The following VPS13D variants were observed in gnomAD, a reference collection of about 807,000 sequenced individuals.
VPS13D encodes the protein intermembrane lipid transfer protein VPS13D.
A neutral mutation model predicts 461.9 loss-of-function variants in VPS13D; 187 were observed. That is an observed-to-expected ratio of 0.40 (90% CI 0.36 to 0.46). The LOEUF is 0.46. Ranked by LOEUF, VPS13D falls within the 20% of genes least tolerant of loss-of-function variation. The probability of loss-of-function intolerance (pLI) is 0.60; values close to 1 mark genes in which losing one functional copy is unlikely to be tolerated. For synonymous variants in VPS13D, 1,951 were observed against 1,986.3 expected (o/e 0.98, Z 0.47); for missense variants, 4,711 against 5,364.9 (o/e 0.88, Z 3.81).
At chr1:12,454,256 C>G (rs1008942322) in intron 65 of VPS13D, among the ~76,000 whole-genome samples, 3 of 152,126 alleles carry the variant, frequency 2.0e-5, no homozygotes, top group African/African-American at 7.2e-5. Context: ...GGTCAGATGC[C>G]CCAGCTTGTG....
intron 41 of VPS13D, among the ~76,000 whole-genome samples, chr1:12,342,652 A>G (rs1192491153): frequency 6.6e-6 from 1 of 152,256 alleles, no homozygotes; most frequent in Non-Finnish European, 1.5e-5. Flanking sequence ...ACCAGATTCT[A>G]CTGCCTGAGG....
intron 21 of VPS13D, among the ~76,000 whole-genome samples, chr1:12,287,955 T>C (rs960235912): frequency 2.6e-5 from 4 of 152,208 alleles, no homozygotes; most frequent in South Asian, 4.1e-4. Flanking sequence ...ATTTTTATAA[T>C]GTAAAGCATC....
At chr1:12,248,996 C>T (rs896119580) in intron 5 of VPS13D, among the ~76,000 whole-genome samples, 3 of 151,988 alleles carry the variant, frequency 2.0e-5, no homozygotes, top group Non-Finnish European at 4.4e-5. Flanking sequence ...CATAACATAA[C>T]AAGAGAGTTA....
chr1:12,261,122 G>A lies in VPS13D; in HGVS notation c.1387G>A (p.Glu463Lys). The A allele has an allele frequency of 1.2e-6, 2 of 1,614,220 alleles. No homozygotes were observed. Among genetic ancestry groups the A allele is most frequent in the Non-Finnish European group, 1.7e-6 (2 of 1,180,042 alleles). ...VVEGLSAEQQEQWIPEEILGT... is the reference protein window; with the variant it reads ...VVEGLSAEQQKQWIPEEILGT... ...TGAGGGACTGTCAGCAGAGCAACAG[G>A]AGCAGTGGATTCCTGAAGAGATCCT... The change falls in exon 12 of 70, where the codon GAG becomes AAG. Residue 463 changes from glutamate to lysine, a missense_variant. Around this residue, in one of 3 missense-constraint regions of VPS13D, gnomAD observed 4,411 missense variants for 4,937.8 expected, o/e 0.89. Coordinates refer to ENST00000620676, the MANE Select transcript of VPS13D (RefSeq NM_015378.4).
chr1:12,348,406 G>T (rs1435551915), intron 44 of VPS13D, among the ~76,000 whole-genome samples: 1 of 152,144 alleles, frequency 6.6e-6, no homozygotes, highest in African/African-American at 2.4e-5. Context: ...GCCTTTTTCA[G>T]TTTCGTTGTA....
intron 23 of VPS13D, among the ~76,000 whole-genome samples, chr1:12,292,032 G>A (rs550043468): frequency 6.6e-6 from 1 of 152,232 alleles, no homozygotes; most frequent in South Asian, 2.1e-4. Context: ...GCTGAGGGAG[G>A]CAGATCACCT....
At chr1:12,386,648 G>A (rs1644354410) in intron 60 of VPS13D, among the ~76,000 whole-genome samples, 1 of 152,174 alleles carries the variant, frequency 6.6e-6, no homozygotes, top group Non-Finnish European at 1.5e-5. Context: ...ATTGAGGTCT[G>A]TCATAGGGAG....
intron 21 of VPS13D, among the ~76,000 whole-genome samples, chr1:12,284,208 G>A (rs114087654): frequency 0.029 from 4,414 of 152,286 alleles, 114 homozygotes; most frequent in African/African-American, 0.063. Flanking sequence ...GTTGGACTCC[G>A]TGAGTTTGAG....
chr1:12,384,531 G>A (rs1307428167), intron 58 of VPS13D, among the ~76,000 whole-genome samples: 2 of 152,130 alleles, frequency 1.3e-5, no homozygotes, highest in South Asian at 2.1e-4. Context: ...TTAGGTCATA[G>A]CGTAATCAGA....
intron 68 of VPS13D, 33 bp downstream of exon 68, chr1:12,497,664 G>T: frequency 6.3e-7 from 1 of 1,592,916 alleles, no homozygotes; most frequent in Non-Finnish European, 8.5e-7. Context: ...AGCCCTGTGG[G>T]TCTACTGAGT....
At position 12,510,525 on chromosome 1, in the gene VPS13D, C is replaced by CTGTGTCTG. The variant is rs1198628572; in HGVS notation, c.*1506_*1507insCTGTGTGT. The CTGTGTCTG allele has an allele frequency of 6.8e-5, 10 of 146,118 alleles. No individual in the cohort carries two copies. Among genetic ancestry groups the CTGTGTCTG allele is most frequent in the African/African-American group, 2.6e-4 (10 of 38,998 alleles). 9.1% of individuals were successfully genotyped at this position (146,118 alleles called of 1,614,324 possible). ...TCCCACTTCCCCTCTGTGTCTGTGT[C>CTGTGTCTG]TGTGTGTGTGTGTGTGTGTGTGTGT... On this transcript the variant is annotated 3_prime_UTR_variant, in exon 70 of 70. Coordinates refer to ENST00000620676, the MANE Select transcript of VPS13D (RefSeq NM_015378.4).
chr1:12,338,451 T>C, intron 40 of VPS13D, 146 bp downstream of exon 40: 1 of 675,594 alleles, frequency 1.5e-6, no homozygotes, highest in South Asian at 1.7e-5. Flanking sequence ...CATTTCCAAC[T>C]GATGAACAGA....
chr1:12,508,223 T>G (rs1384579847), intron 69 of VPS13D, among the ~76,000 whole-genome samples: 1 of 151,602 alleles, frequency 6.6e-6, no homozygotes, highest in East Asian at 1.9e-4. Context: ...GGCAGAGAGG[T>G]GTTTGTGGTA....
At position 12,346,596 on chromosome 1, in the gene VPS13D, C is replaced by A; in HGVS notation, c.9022-9C>A. On this transcript the variant is annotated splice_polypyrimidine_tract_variant and intron_variant, in intron 43 of 69. Transcript: ENST00000620676. The stretch of plus-strand genomic sequence containing the variant: ...CTGTGCTGACTCTAACTTTTGAAAT[C>A]TTTTTCAGATTGGCAGCCCAAGCAG... 6.2e-7 allele frequency: 1 copy of A among 1,612,558 alleles called. No individual in the cohort carries two copies. The highest frequency in any genetic ancestry group is 1.1e-5 in the South Asian group (1 of 90,692).
chr1:12,397,045 A>G (rs897594352), intron 60 of VPS13D, among the ~76,000 whole-genome samples: 1 of 152,106 alleles, frequency 6.6e-6, no homozygotes, highest in African/African-American at 2.4e-5. Context: ...GTGATCCTCC[A>G]GCTTCAGCCT....
intron 36 of VPS13D, among the ~76,000 whole-genome samples, chr1:12,328,881 T>G (rs1643260073): frequency 6.6e-6 from 1 of 152,272 alleles, no homozygotes; most frequent in Admixed American, 6.5e-5. Context: ...CTCCCTACTC[T>G]GTTTAGTTTT....
intron 25 of VPS13D, among the ~76,000 whole-genome samples, chr1:12,302,635 A>C (rs1246347666): frequency 1.3e-5 from 2 of 152,208 alleles, no homozygotes; most frequent in Admixed American, 1.3e-4. Flanking sequence ...CTTTTTTTGC[A>C]ACCTGACTAT....
chr1:12,349,026 G>C, intron 45 of VPS13D, 53 bp downstream of exon 45: 1 of 1,610,670 alleles, frequency 6.2e-7, no homozygotes, highest in Non-Finnish European at 8.5e-7. Flanking sequence ...CTTCTTGACT[G>C]TTGTCAAGTC....
At chr1:12,416,000 T>C (rs1291273199) in intron 64 of VPS13D, among the ~76,000 whole-genome samples, 1 of 152,034 alleles carries the variant, frequency 6.6e-6, no homozygotes, top group East Asian at 1.9e-4. Flanking sequence ...AGGCAACATA[T>C]TGAGACCCCA....
Sources: gnomAD v4.1 joint callset for allele counts (sites outside exome capture counted in the v4.1 genomes callset) on GRCh38, gnomAD v4.1.1 for gene constraint, gnomAD v4.1.1 regional missense constraint, MANE v1.5 for transcripts, NCBI Gene and HGNC (gene_info 2026-07-23, HGNC 2026-07-21) for gene names.